The following SSUH2 variants were observed in gnomAD, a reference collection of about 807,000 sequenced individuals.
SSUH2 encodes the protein protein SSUH2 homolog.
SSUH2 carries 47 observed loss-of-function variants against 55.3 expected under a neutral mutation model. The observed-to-expected ratio is 0.85, with a 90% CI of 0.67 to 1.08. The LOEUF (loss-of-function observed/expected upper bound fraction) is 1.08. SSUH2 is among the 50% of genes least tolerant of loss of function. The pLI is 0.00. For missense variants in SSUH2, 535 were observed against 490.7 expected (o/e 1.09, Z -0.85); for synonymous variants, 212 against 191.5 (o/e 1.11, Z -0.89).
chr3:8,629,755 A>G lies in SSUH2; in HGVS notation c.526-29T>C. 3 of 1,610,258 alleles carry G rather than the reference A, an allele frequency of 1.9e-6. No homozygotes were observed. In the South Asian group the frequency reaches 3.3e-5, roughly 18 times the overall value. Reference sequence around the variant, plus strand: ...AAAGTGCAACGCTTTCTTGGGATCTAGTTTCCCAAGGGCCACTTCTCCCAC... The same window carrying G: ...AAAGTGCAACGCTTTCTTGGGATCTGGTTTCCCAAGGGCCACTTCTCCCAC... On this transcript the variant is annotated intron_variant, in intron 6 of 11. Coordinates refer to ENST00000544814, the MANE Select transcript of SSUH2 (RefSeq NM_001256748.3).
intron 11 of SSUH2, among the ~76,000 whole-genome samples, chr3:8,621,274 T>G (rs1696378018): frequency 1.3e-5 from 2 of 152,188 alleles, no homozygotes; most frequent in African/African-American, 4.8e-5. Flanking sequence ...CAGGCCCTCT[T>G]TACTTGCAGG....
At chr3:8,680,420 T>A (rs535279522) in intron 1 of SSUH2, among the ~76,000 whole-genome samples, 1 of 152,092 alleles carries the variant, frequency 6.6e-6, no homozygotes, top group African/African-American at 2.4e-5. Flanking sequence ...GTTTCACAGA[T>A]GGGTGTACAC....
Position 8,626,268 on chromosome 3 carries a change from TC to T in SSUH2, c.727del (p.Glu243ArgfsTer91). 3 of 1,613,978 alleles carry T rather than the reference TC, an allele frequency of 1.9e-6. No homozygotes were observed. The highest frequency in any genetic ancestry group is 2.5e-6 in the Non-Finnish European group (3 of 1,179,966). On this transcript the variant is annotated frameshift_variant, in exon 9 of 12. Coordinates refer to ENST00000544814, the MANE Select transcript of SSUH2 (RefSeq NM_001256748.3). LOFTEE classifies it high-confidence loss of function. ...GNKTCATCKG[E>X]KKLLHFIQLV... ...CTGGATGAAGTGCAACAGCTTCTTC[TC>T]CCCCTTGCAGGTGGCGCAGGTCTTG... is the stretch of plus-strand genomic sequence containing the variant.
At chr3:8,670,947 A>T (rs1462284554) in intron 5 of SSUH2, 3 of 377,832 alleles carry the variant, frequency 7.9e-6, no homozygotes, top group Non-Finnish European at 1.7e-5. Context: ...CCCGTGTGAC[A>T]TTAGAAGTAA....
intron 3 of SSUH2, among the ~76,000 whole-genome samples, chr3:8,676,056 C>A (rs150156734): frequency 0.032 from 4,870 of 152,174 alleles, 278 homozygotes; most frequent in African/African-American, 0.11. Flanking sequence ...AAAACCTGAA[C>A]ATAAAGGCCC....
At chr3:8,644,824 G>A (rs1701461650), upstream of SSUH2, 4 of 1,428,718 alleles carry the variant, frequency 2.8e-6, no homozygotes, top group Admixed American at 7.9e-5. Context: ...TGCTCTGATG[G>A]ACCACCCTCA....
chr3:8,633,694 T>C lies in SSUH2; in HGVS notation c.311A>G (p.Gln104Arg), dbSNP rs1699343907. The change falls in exon 4 of 12, where the codon CAG becomes CGG. Residue 104 changes from glutamine to arginine, a missense_variant. Coordinates refer to ENST00000544814, the MANE Select transcript of SSUH2 (RefSeq NM_001256748.3). ...GCAGAGGGTCTGCCGCTTCAGCTCC[T>C]GGATGACGAGGTCTCCAGCCACCGT... is the stretch of plus-strand genomic sequence containing the variant. ...SSTVAGDLVI[Q>R]ELKRQTLCRY... The C allele has an allele frequency of 6.5e-7, 1 of 1,534,888 alleles. No individual in the cohort carries two copies. The highest frequency in any genetic ancestry group is 1.4e-5 in the African/African-American group (1 of 72,310).
intron 3 of SSUH2, among the ~76,000 whole-genome samples, chr3:8,675,589 C>T (rs546506640): frequency 1.6e-5 from 1 of 60,904 alleles, no homozygotes; most frequent in African/African-American, 4.4e-5. Flanking sequence ...GGAACGCAGC[C>T]CAGGATCAGA....
intron 6 of SSUH2, among the ~76,000 whole-genome samples, chr3:8,663,381 G>C (rs1402505982): frequency 6.6e-6 from 1 of 152,264 alleles, no homozygotes; most frequent in Non-Finnish European, 1.5e-5. Context: ...CATGGGCTGA[G>C]CCCAAGGAAG....
At chr3:8,671,950 T>C (rs927608788) in exon 4 of SSUH2, 1 of 152,076 alleles carries the variant, frequency 6.6e-6, no homozygotes, top group African/African-American at 2.4e-5. Flanking sequence ...GTCAGTAATA[T>C]CTTCTCAGCC....
At chr3:8,671,319 G>C (rs1704538830) in intron 4 of SSUH2, among the ~76,000 whole-genome samples, 1 of 152,098 alleles carries the variant, frequency 6.6e-6, no homozygotes, top group Non-Finnish European at 1.5e-5. Flanking sequence ...TACAACCTCT[G>C]TGACATTAAG....
intron 5 of SSUH2, among the ~76,000 whole-genome samples, chr3:8,668,103 T>C (rs1045401792): frequency 9.9e-5 from 15 of 152,186 alleles, no homozygotes; most frequent in Admixed American, 4.6e-4. Context: ...ACCGAGAGAA[T>C]CTGCTACACC....
intron 1 of SSUH2, 127 bp downstream of exon 1, chr3:8,644,604 A>C: frequency 2.3e-6 from 2 of 852,544 alleles, no homozygotes; most frequent in East Asian, 2.6e-5. Context: ...TGCTAGCTAC[A>C]GAGCTTATTA....
intron 7 of SSUH2, among the ~76,000 whole-genome samples, chr3:8,651,428 G>A (rs1488313730): frequency 2.6e-5 from 4 of 152,180 alleles, no homozygotes; most frequent in Non-Finnish European, 4.4e-5. Flanking sequence ...GAAAGGACTC[G>A]TTCAGGCTCA....
chr3:8,627,635 G>C lies in SSUH2; in HGVS notation c.674+63C>G, dbSNP rs6784066. The C allele has an allele frequency of 2.9e-3, 3,940 of 1,380,070 alleles. 116 individuals carry two copies. The African/African-American group carries it at 0.053, about 18-fold the overall frequency. 85.5% of individuals were successfully genotyped at this position (1,380,070 alleles called of 1,614,324 possible). On this transcript the variant is annotated intron_variant, in intron 8 of 11. Coordinates refer to ENST00000544814, the MANE Select transcript of SSUH2 (RefSeq NM_001256748.3). ...TGGGTTCCTGTTTGCCTTCCAGATGGGCAGGCAATGAAAAGCCAGAAAGCA... is the reference window on the plus strand; with the variant it reads ...TGGGTTCCTGTTTGCCTTCCAGATGCGCAGGCAATGAAAAGCCAGAAAGCA...
chr3:8,644,015 C>T lies in SSUH2; in HGVS notation c.28+716G>A, dbSNP rs545284673. ...TCCCCGCCACCGGCAACCACCACCC[C>T]TCTGCACTGCCTGTTTCAAATTCGG... On this transcript the variant is annotated intron_variant, in intron 1 of 11. Transcript: ENST00000544814. 2.0e-3 allele frequency among the ~76,000 whole-genome samples: 305 copies of T among 152,062 alleles called. 1 individual carries two copies. The highest frequency in any genetic ancestry group is 7.0e-3 in the African/African-American group (292 of 41,464).
intron 1 of SSUH2, among the ~76,000 whole-genome samples, chr3:8,680,861 T>C (rs559425571): frequency 5.3e-5 from 8 of 152,156 alleles, no homozygotes; most frequent in Middle Eastern, 6.8e-3. Flanking sequence ...GCCGTATCTG[T>C]CTATTATGGG....
At chr3:8,659,735 A>G (rs1277259122) in intron 6 of SSUH2, 1 of 455,702 alleles carries the variant, frequency 2.2e-6, no homozygotes, top group Non-Finnish European at 4.4e-6. Context: ...CCATCCATAT[A>G]TGTATTCATT....
intron 1 of SSUH2, among the ~76,000 whole-genome samples, chr3:8,639,713 G>A (rs60426139): frequency 0.042 from 6,379 of 152,250 alleles, 416 homozygotes; most frequent in African/African-American, 0.14. Flanking sequence ...GGAAATCAAT[G>A]TCCTTTGTCC....
Sources: gnomAD v4.1 joint callset for allele counts (sites outside exome capture counted in the v4.1 genomes callset) on GRCh38, gnomAD v4.1.1 for gene constraint, MANE v1.5 for transcripts, NCBI Gene and HGNC (gene_info 2026-07-23, HGNC 2026-07-21) for gene names.